The following ALK variants were observed in gnomAD, a reference collection of about 807,000 sequenced individuals.
ALK encodes ALK tyrosine kinase receptor.
A neutral mutation model predicts 163.1 loss-of-function variants in ALK; 74 were observed. That is an observed-to-expected ratio of 0.45 (90% CI 0.38 to 0.55). The LOEUF is 0.55. ALK is among the 20% of genes least tolerant of loss of function. ALK has a pLI of 0.00. For synonymous variants in ALK, 960 were observed against 843.2 expected (o/e 1.14, Z -2.40); for missense variants, 2,063 against 2,105.3 (o/e 0.98, Z 0.39).
At position 29,819,956 on chromosome 2, in the gene ALK, A is replaced by G. The variant is rs538836232; in HGVS notation, c.667+100037T>C. On this transcript the variant is annotated intron_variant, in intron 1 of 28. Transcript: ENST00000389048. ...TTCCCATATTCATTTGGCACAAGAC[A>G]GGAAAACAAAACATCTATCCCTAAG... 3.9e-5 allele frequency among the ~76,000 whole-genome samples: 6 copies of G among 152,366 alleles called. No individual in the cohort carries two copies. In the South Asian group the frequency reaches 1.2e-3, roughly 32 times the overall value.
At chr2:29,612,255 G>C (rs1283066302) in intron 3 of ALK, among the ~76,000 whole-genome samples, 1 of 152,158 alleles carries the variant, frequency 6.6e-6, no homozygotes, top group Non-Finnish European at 1.5e-5. Flanking sequence ...AAATGAAAAA[G>C]TTTAAAAAAT....
intron 1 of ALK, among the ~76,000 whole-genome samples, chr2:29,831,895 C>A (rs1572418570): frequency 6.6e-6 from 1 of 152,306 alleles, no homozygotes; most frequent in East Asian, 1.9e-4. Flanking sequence ...ATAGGCGAAC[C>A]ATTTTCACTG....
chr2:29,819,843 T>G (rs530075675), intron 1 of ALK, among the ~76,000 whole-genome samples: 2 of 152,304 alleles, frequency 1.3e-5, no homozygotes, highest in Admixed American at 6.5e-5. Flanking sequence ...ACCATCCACA[T>G]TCCCCAATCC....
chr2:29,777,404 AGAG>A (rs1681206206), intron 1 of ALK, among the ~76,000 whole-genome samples: 2 of 152,238 alleles, frequency 1.3e-5, no homozygotes, highest in Admixed American at 1.3e-4. Flanking sequence ...GGGAAGAAGA[AGAG>A]AAGTGAATGT....
intron 9 of ALK, 122 bp downstream of exon 9, chr2:29,296,740 TGCACGTGCGTGCACGCGCACATATCG>T: frequency 2.5e-6 from 2 of 801,044 alleles, no homozygotes; most frequent in Non-Finnish European, 4.1e-6. Flanking sequence ...TGTGTGTGTG[TGCACGTGCGTGCACGCGCACATATCG>T]GTGTGTGGGC....
At chr2:29,714,611 C>T (rs891136300) in intron 2 of ALK, among the ~76,000 whole-genome samples, 1 of 152,146 alleles carries the variant, frequency 6.6e-6, no homozygotes, top group African/African-American at 2.4e-5. Flanking sequence ...GACGACCTCC[C>T]ACCAGGATGC....
intron 8 of ALK, among the ~76,000 whole-genome samples, chr2:29,307,499 G>T (rs970986169): frequency 6.6e-6 from 1 of 152,198 alleles, no homozygotes; most frequent in Non-Finnish European, 1.5e-5. Context: ...GATTGGAATT[G>T]TCATCAGGAA....
Position 29,421,789 on chromosome 2 carries a change from C to T in ALK, c.1155-37930G>A, listed in dbSNP as rs185365548. On this transcript the variant is annotated intron_variant, in intron 4 of 28. Coordinates refer to ENST00000389048, the MANE Select transcript of ALK (RefSeq NM_004304.5). ...GTCAGGCATCCTGTGTACCTCTGCC[C>T]AGATCGCAGCCGCAGTGGGGATAAA... is the stretch of plus-strand genomic sequence containing the variant. Among the ~76,000 whole-genome samples the T allele has an allele frequency of 6.6e-5, 10 of 151,692 alleles. No homozygotes were observed. In the East Asian group the frequency reaches 1.7e-3, roughly 26 times the overall value.
At chr2:29,757,593 TTGTGTGTGTG>T (rs35768373) in intron 1 of ALK, among the ~76,000 whole-genome samples, 2 of 148,232 alleles carry the variant, frequency 1.3e-5, no homozygotes, top group Non-Finnish European at 3.0e-5. Flanking sequence ...TTTTGTTTGT[TTGTGTGTGTG>T]TGTGTGTGTG....
At chr2:29,696,737 G>A (rs1369030898) in intron 2 of ALK, among the ~76,000 whole-genome samples, 3 of 151,756 alleles carry the variant, frequency 2.0e-5, no homozygotes, top group African/African-American at 4.8e-5. Flanking sequence ...GTCGTATGAA[G>A]AGCATGTTCC....
intron 4 of ALK, among the ~76,000 whole-genome samples, chr2:29,480,878 C>T (rs2148118033): frequency 6.6e-6 from 1 of 150,974 alleles, no homozygotes; most frequent in South Asian, 2.1e-4. Context: ...AGAGACCTTG[C>T]AGATTCTGAT....
chr2:29,332,178 T>C (rs888493558), intron 5 of ALK, among the ~76,000 whole-genome samples: 5 of 150,246 alleles, frequency 3.3e-5, no homozygotes, highest in Non-Finnish European at 7.4e-5. Flanking sequence ...CCCAGCTACT[T>C]TGGAGACTGA....
At chr2:29,511,007 C>T (rs938138964) in intron 4 of ALK, among the ~76,000 whole-genome samples, 4 of 152,160 alleles carry the variant, frequency 2.6e-5, no homozygotes, top group African/African-American at 9.7e-5. Flanking sequence ...AGCCCTTCAC[C>T]CTTACACTCA....
chr2:29,272,417 A>C (rs1665416928), intron 11 of ALK, among the ~76,000 whole-genome samples: 1 of 152,200 alleles, frequency 6.6e-6, no homozygotes. Context: ...CCCAGCCTGG[A>C]AACTTGAGCG....
At chr2:29,711,961 C>A (rs150085807) in intron 2 of ALK, among the ~76,000 whole-genome samples, 2 of 152,116 alleles carry the variant, frequency 1.3e-5, no homozygotes, top group Admixed American at 6.5e-5. Context: ...TTTATTCTGA[C>A]GTTTTTTCTT....
At chr2:29,692,190 C>G (rs905414497) in intron 3 of ALK, among the ~76,000 whole-genome samples, 1 of 152,030 alleles carries the variant, frequency 6.6e-6, no homozygotes, top group African/African-American at 2.4e-5. Flanking sequence ...ATTCACCAGA[C>G]AGACAAAAAA....
intron 3 of ALK, among the ~76,000 whole-genome samples, chr2:29,660,188 T>G: frequency 6.6e-6 from 1 of 152,172 alleles, no homozygotes; most frequent in Non-Finnish European, 1.5e-5. Context: ...TGGTTCCTCT[T>G]GGGCCCAGGG....
intron 25 of ALK, among the ~76,000 whole-genome samples, chr2:29,208,493 G>A (rs753965857): frequency 1.3e-5 from 2 of 152,292 alleles, no homozygotes; most frequent in African/African-American, 2.4e-5. Context: ...AGGAAGGAAC[G>A]CTGAGCTTGT....
At chr2:29,345,549 A>C (rs1667925044) in intron 5 of ALK, among the ~76,000 whole-genome samples, 1 of 152,032 alleles carries the variant, frequency 6.6e-6, no homozygotes, top group South Asian at 2.1e-4. Flanking sequence ...TTTCTAGAAA[A>C]GTTTGGCAGT....
Sources: gnomAD v4.1 joint callset for allele counts (sites outside exome capture counted in the v4.1 genomes callset) on GRCh38, gnomAD v4.1.1 for gene constraint, MANE v1.5 for transcripts, NCBI Gene and HGNC (gene_info 2026-07-23, HGNC 2026-07-21) for gene names.